The following NOTCH3 variants were observed in gnomAD, a reference collection of about 807,000 sequenced individuals.
NOTCH3 encodes neurogenic locus notch homolog protein 3.
In NOTCH3, 86 loss-of-function variants were observed where a neutral mutation model predicts 213.3. The observed-to-expected ratio is 0.40, with a 90% CI of 0.34 to 0.48. NOTCH3 has a LOEUF of 0.48. Ranked by LOEUF, NOTCH3 falls within the 20% of genes least tolerant of loss-of-function variation. The pLI, the probability that NOTCH3 is intolerant of heterozygous loss-of-function variation, is 0.57. For synonymous variants in NOTCH3, 1,354 were observed against 1,355.9 expected, an observed-to-expected ratio of 1.00 and a Z score of 0.03; for missense variants, 2,783 against 3,272.6, an observed-to-expected ratio of 0.85 and a Z score of 3.65.
rs748468626 is a variant in NOTCH3, at chr19:15,187,351, G to T, written c.1607-13C>A. 1.9e-6 allele frequency: 3 copies of T among 1,610,494 alleles called. No individual in the cohort carries two copies. The highest frequency in any genetic ancestry group is 2.5e-6 in the Non-Finnish European group (3 of 1,178,494). ...GTGCCCTCAAAGCCTGTGGGGCCAA[G>T]AGGGTCAGGCTCCGCCCACTTGCCA... On this transcript the variant is annotated splice_polypyrimidine_tract_variant and intron_variant, in intron 10 of 32. Transcript: ENST00000263388.
chr19:15,175,308 G>GGGCC (rs1568352687), intron 24 of NOTCH3, among the ~76,000 whole-genome samples: 1 of 139,802 alleles, frequency 7.2e-6, no homozygotes, highest in Non-Finnish European at 1.5e-5. Flanking sequence ...CAAGGTGTAC[G>GGGCC]GATAACCTGA....
intron 25 of NOTCH3, among the ~76,000 whole-genome samples, chr19:15,172,045 C>T (rs376477043): frequency 6.6e-5 from 10 of 152,234 alleles, no homozygotes; most frequent in African/African-American, 4.8e-5. Context: ...TACAGGCATG[C>T]GCCACCACGC....
intron 2 of NOTCH3, among the ~76,000 whole-genome samples, chr19:15,196,262 G>A (rs2046969960): frequency 6.6e-6 from 1 of 152,052 alleles, no homozygotes; most frequent in African/African-American, 2.4e-5. Context: ...TATTCCAGGC[G>A]CGGAGCTCCA....
chr19:15,177,585 G>A lies in NOTCH3; in HGVS notation c.4343C>T (p.Ser1448Leu), dbSNP rs1349859094. The A allele has an allele frequency of 6.2e-7, 1 of 1,605,890 alleles. No individual in the cohort carries two copies. Among genetic ancestry groups the A allele is most frequent in the African/African-American group, 1.3e-5 (1 of 74,868 alleles). ...NNSRCDPACS[S>L]PACLYDNFDC... is the part of the protein sequence containing the mutation. ...GAAGTTGTCGTAGAGGCAGGCGGGC[G>A]AGCTGCAGGCGGGGTCGCAGCGGCT... The change falls in exon 24 of 33, where the codon TCG becomes TTG. Residue 1448 changes from serine (S) to leucine (L), a missense_variant. By Grantham distance (145) the Ser-to-Leu change is moderately radical. This residue lies in a region of NOTCH3 where 636 missense variants were observed against 801.8 expected (regional missense o/e 0.79). Coordinates refer to ENST00000263388, the MANE Select transcript of NOTCH3 (RefSeq NM_000435.3).
chr19:15,181,716 G>A lies in NOTCH3; in HGVS notation c.2652C>T (p.Cys884=), dbSNP rs767473898. The change falls in exon 17 of 33, where the codon TGC becomes TGT. Residue 884 remains cysteine (C), a synonymous_variant. Transcript: ENST00000263388. ...SCLPGFAGPR[C]ARDVDECLSN... ...TCAGGCACTCATCCACATCGCGGGCGCATCGTGGGCCGGCGAAACCAGGGA... is the reference window on the plus strand; with the variant it reads ...TCAGGCACTCATCCACATCGCGGGCACATCGTGGGCCGGCGAAACCAGGGA... The A allele has an allele frequency of 1.5e-5, 24 of 1,569,510 alleles. No individual in the cohort carries two copies. The African/African-American group carries it at 1.6e-4, about 11-fold the overall frequency.
At chr19:15,197,441 G>GGGGCCCCCCC in intron 2 of NOTCH3, 59 bp downstream of exon 2, 6 of 768,352 alleles carry the variant, frequency 7.8e-6, no homozygotes, top group African/African-American at 1.7e-5. Flanking sequence ...AAGACAAATC[G>GGGGCCCCCCC]CCCCTCCCCC....
At position 15,185,001 on chromosome 19, in the gene NOTCH3, A is replaced by T. The variant is rs1347147350; in HGVS notation, c.2315T>A (p.Leu772His). 1 of 1,522,904 alleles carries T rather than the reference A, an allele frequency of 6.6e-7. No individual in the cohort carries two copies. The highest frequency in any genetic ancestry group is 2.0e-5 in the Admixed American group (1 of 49,736). 94.3% of individuals were successfully genotyped at this position (1,522,904 alleles called of 1,614,324 possible). Reference protein sequence around the residue: ...PGVQGRQCELLSPCTPNPCEH... With the variant: ...PGVQGRQCELHSPCTPNPCEH... Reference sequence around the variant, plus strand: ...ACAGGGGTTCGGGGTGCAGGGGGAGAGGAGTTCACACTGACGTCCTGTTGG... The same window carrying T: ...ACAGGGGTTCGGGGTGCAGGGGGAGTGGAGTTCACACTGACGTCCTGTTGG... Residue 772 changes from leucine (L) to histidine (H), a missense_variant, in exon 15 of 33, where the codon CTC becomes CAC. Leu to His is a moderately conservative substitution (Grantham distance 99). Around this residue, in one of 6 missense-constraint regions of NOTCH3, gnomAD observed 861 missense variants for 909.1 expected, o/e 0.95. Transcript: ENST00000263388. This position sits in a 1 kb window ranked among gnomAD's most constrained non-coding sequence, Gnocchi z 4.2.
At position 15,161,159 on chromosome 19, in the gene NOTCH3, C is replaced by A; in HGVS notation, c.6469G>T (p.Val2157Leu). The A allele has an allele frequency of 6.5e-7, 1 of 1,539,206 alleles. No individual in the cohort carries two copies. The highest frequency in any genetic ancestry group is 2.4e-5 in the East Asian group (1 of 41,304). Residue 2157 changes from valine (V) to leucine (L), a missense_variant, in exon 33 of 33, where the codon GTA becomes TTA. Transcript: ENST00000263388. Reference protein sequence around the residue: ...GLGRQPPGGCVLSLGLLNPVA... With the variant: ...GLGRQPPGGCLLSLGLLNPVA... ...GGGTTCAGCAGGCCCAGGCTGAGTA[C>A]ACATCCTCCAGGGGGCTGGCGCCCT... is the stretch of plus-strand genomic sequence containing the variant.
At position 15,180,971 on chromosome 19, in the gene NOTCH3, G is replaced by A. The variant is rs940948912; in HGVS notation, c.2984C>T (p.Pro995Leu). Residue 995 changes from proline (P) to leucine (L), a missense_variant, in exon 18 of 33, where the codon CCG becomes CTG. Pro to Leu is a moderately conservative substitution (Grantham distance 98). Coordinates refer to ENST00000263388, the MANE Select transcript of NOTCH3 (RefSeq NM_000435.3). ...AGTAACTCCACCCACCTGGCACTGC[G>A]GGCCCGTGAAGCTCTCGAGGCAGGT... ...RCTCLESFTG[P>L]QCQTLVDWCS... 1.9e-6 allele frequency: 3 copies of A among 1,592,250 alleles called. No individual in the cohort carries two copies. The highest frequency in any genetic ancestry group is 1.1e-5 in the South Asian group (1 of 87,930).
chr19:15,171,745 A>G (rs1455563036), intron 25 of NOTCH3, among the ~76,000 whole-genome samples: 1 of 152,132 alleles, frequency 6.6e-6, no homozygotes, highest in Non-Finnish European at 1.5e-5. Context: ...ATCTCAGCTC[A>G]CTGCAACCTC....
chr19:15,171,190 T>C (rs945049364), intron 25 of NOTCH3, among the ~76,000 whole-genome samples: 1 of 151,906 alleles, frequency 6.6e-6, no homozygotes, highest in Non-Finnish European at 1.5e-5. Context: ...CATGCCCAGC[T>C]AATTTTTTTG....
intron 16 of NOTCH3, among the ~76,000 whole-genome samples, chr19:15,183,533 G>A (rs1301615758): frequency 2.0e-5 from 3 of 152,086 alleles, no homozygotes; most frequent in African/African-American, 7.2e-5. Flanking sequence ...CCAAGTAGCT[G>A]GGATTACAGG....
chr19:15,188,389 T>G (rs574717734), intron 8 of NOTCH3, 41 bp from the exon 9 acceptor site: 1 of 1,335,908 alleles, frequency 7.5e-7, no homozygotes, highest in Non-Finnish European at 1.1e-6. Flanking sequence ...GGGGCTACCC[T>G]ATGGTGTGAA....
Position 15,170,188 on chromosome 19 carries a change from G to C in NOTCH3, c.5115-18C>G. 6.4e-7 allele frequency: 1 copy of C among 1,560,148 alleles called. No homozygotes were observed. Among genetic ancestry groups the C allele is most frequent in the Non-Finnish European group, 8.8e-7 (1 of 1,137,960 alleles). ...CCATGTTCCTGGCGGACAATGGGAA[G>C]AGGGGATGTGAGGGGGACACTAGAG... On this transcript the variant is annotated intron_variant, in intron 27 of 32. Coordinates refer to ENST00000263388, the MANE Select transcript of NOTCH3 (RefSeq NM_000435.3).
intron 28 of NOTCH3, 41 bp downstream of exon 28, chr19:15,170,045 G>T (rs1447512728): frequency 1.7e-5 from 20 of 1,166,598 alleles, no homozygotes; most frequent in Non-Finnish European, 2.5e-5. Context: ...CCTGAGGGGA[G>T]GGGTCAGAGG....
chr19:15,184,576 G>A (rs922839340), intron 15 of NOTCH3, 126 bp from the exon 16 acceptor site: 10 of 901,740 alleles, frequency 1.1e-5, no homozygotes, highest in Non-Finnish European at 1.7e-5. Context: ...GCTGTCATTC[G>A]TGTCTGGGCA....
At chr19:15,186,532 G>A (rs1045184696) in intron 12 of NOTCH3, among the ~76,000 whole-genome samples, 2 of 151,912 alleles carry the variant, frequency 1.3e-5, no homozygotes, top group African/African-American at 4.8e-5. Context: ...AGCCTCCCGA[G>A]TAGCTAGGAC....
At chr19:15,173,014 T>C in intron 25 of NOTCH3, among the ~76,000 whole-genome samples, 1 of 35,180 alleles carries the variant, frequency 2.8e-5, no homozygotes, top group Non-Finnish European at 6.3e-5. Flanking sequence ...TCTTCCTTCT[T>C]CTTCCTCTTC....
chr19:15,185,544 C>A lies in NOTCH3; in HGVS notation c.2087G>T (p.Ser696Ile). The A allele has an allele frequency of 6.2e-7, 1 of 1,612,012 alleles. No homozygotes were observed. ...GSLPPLCLPP[S>I]HPCAHEPCSH... ...GCAGGGCTCATGGGCACAGGGATGG[C>A]TCGGGGGGAGGCAGAGTGGGGGCAA... Residue 696 changes from serine to isoleucine, a missense_variant, in exon 13 of 33, where the codon AGC (serine) becomes ATC (isoleucine). Physicochemically the swap from Ser to Ile is moderately radical, Grantham distance 142. Transcript: ENST00000263388. The surrounding 1 kb of genome is among the most constrained non-coding windows in gnomAD (Gnocchi z 4.2).
Sources: gnomAD v4.1 joint callset for allele counts (sites outside exome capture counted in the v4.1 genomes callset) on GRCh38, gnomAD v4.1.1 for gene constraint, gnomAD v4.1.1 regional missense constraint, Gnocchi (gnomAD v3.1) non-coding constraint, MANE v1.5 for transcripts, NCBI Gene and HGNC (gene_info 2026-07-23, HGNC 2026-07-21) for gene names.